The following TENM4 variants were observed in gnomAD, a reference collection of about 807,000 sequenced individuals.
TENM4 encodes teneurin-4.
Under a neutral mutation model 243.3 loss-of-function variants are expected in TENM4, and 82 were observed. That is an observed-to-expected ratio of 0.34 (90% confidence interval 0.28 to 0.40). The LOEUF (loss-of-function observed/expected upper bound fraction) is 0.40, where lower values mean the gene tolerates loss of function less well. Among genes scored for constraint, TENM4 ranks in the 10% least tolerant of loss-of-function variants. The pLI is 1.00. For synonymous variants in TENM4, 1,412 were observed against 1,456.3 expected, an observed-to-expected ratio of 0.97 and a Z score of 0.69; for missense variants, 3,138 against 3,673.3, an observed-to-expected ratio of 0.85 and a Z score of 3.77.
intron 3 of TENM4, among the ~76,000 whole-genome samples, chr11:79,192,175 C>A (rs991304596): frequency 6.6e-6 from 1 of 151,412 alleles, no homozygotes; most frequent in Non-Finnish European, 1.5e-5. Flanking sequence ...GCCAGCTGCC[C>A]GGTCTGGGAG....
At chr11:78,844,047 T>G (rs1379327146) in intron 12 of TENM4, among the ~76,000 whole-genome samples, 2 of 152,104 alleles carry the variant, frequency 1.3e-5, no homozygotes, top group Non-Finnish European at 2.9e-5. Context: ...GTTACTGGAG[T>G]TGGATTCGAA....
intron 4 of TENM4, among the ~76,000 whole-genome samples, chr11:79,095,246 A>C (rs1048746657): frequency 1.3e-5 from 2 of 152,088 alleles, no homozygotes; most frequent in Non-Finnish European, 1.5e-5. Flanking sequence ...TTTTCATATG[A>C]GGAAATGGAA....
intron 4 of TENM4, among the ~76,000 whole-genome samples, chr11:79,072,773 C>G (rs1169711381): frequency 6.6e-6 from 1 of 152,136 alleles, no homozygotes; most frequent in Non-Finnish European, 1.5e-5. Flanking sequence ...TGCCTGTTTA[C>G]TTCTAACCCC....
chr11:79,428,045 G>A (rs770176026), intron 1 of TENM4, among the ~76,000 whole-genome samples: 1 of 152,208 alleles, frequency 6.6e-6, no homozygotes, highest in Non-Finnish European at 1.5e-5. Context: ...GGAGAAAGCA[G>A]AAGCAGGAAG....
intron 6 of TENM4, among the ~76,000 whole-genome samples, chr11:78,961,979 G>C (rs1187315078): frequency 6.6e-6 from 1 of 152,176 alleles, no homozygotes; most frequent in Non-Finnish European, 1.5e-5. Context: ...CGCGGGGCAA[G>C]AGCGGGGCTG....
intron 4 of TENM4, among the ~76,000 whole-genome samples, chr11:79,138,068 G>A (rs945159704): frequency 6.6e-6 from 1 of 151,462 alleles, no homozygotes; most frequent in Admixed American, 6.6e-5. Context: ...AATCTGGGTG[G>A]GCACAATCTA....
chr11:78,769,209 A>G (rs758411710), intron 18 of TENM4, among the ~76,000 whole-genome samples: 3 of 152,222 alleles, frequency 2.0e-5, no homozygotes, highest in Non-Finnish European at 4.4e-5. Context: ...TGCTGAGGAA[A>G]TCATGCAGAT....
intron 3 of TENM4, among the ~76,000 whole-genome samples, chr11:79,175,936 T>A (rs184311654): frequency 1.8e-3 from 266 of 151,930 alleles, no homozygotes; most frequent in African/African-American, 6.2e-3. Flanking sequence ...AATTAAAAAA[T>A]TTGCTGGGTG....
chr11:79,410,909 C>T lies in TENM4; in HGVS notation c.-321+29600G>A, dbSNP rs2135572373. ...TTTGAGAACCTTTCTCCATGTCGGG[C>T]CTACCTCTGTCCTTGTTAATCATCC... is the stretch of plus-strand genomic sequence containing the variant. On this transcript the variant is annotated intron_variant, in intron 1 of 33. Coordinates refer to ENST00000278550, the MANE Select transcript of TENM4 (RefSeq NM_001098816.3). 1.3e-5 allele frequency among the ~76,000 whole-genome samples: 2 copies of T among 152,220 alleles called. 1 individual carries two copies. The highest frequency in any genetic ancestry group is 1.3e-4 in the Admixed American group (2 of 15,284).
At chr11:78,975,998 T>G (rs935631753) in intron 6 of TENM4, among the ~76,000 whole-genome samples, 1 of 152,158 alleles carries the variant, frequency 6.6e-6, no homozygotes, top group Admixed American at 6.5e-5. Flanking sequence ...TGGGTACCAG[T>G]CTGGGTGCTG....
intron 2 of TENM4, among the ~76,000 whole-genome samples, chr11:79,240,658 C>A (rs486694): frequency 0.63 from 95,604 of 152,080 alleles, 31,701 homozygotes; most frequent in East Asian, 0.88. Flanking sequence ...CTGACCCCAA[C>A]GCTTGTCTGC....
At chr11:79,269,098 G>T (rs887400058) in intron 2 of TENM4, among the ~76,000 whole-genome samples, 4 of 152,194 alleles carry the variant, frequency 2.6e-5, no homozygotes, top group African/African-American at 9.7e-5. Flanking sequence ...AGGAGCAAAG[G>T]TTCCACACTC....
intron 2 of TENM4, among the ~76,000 whole-genome samples, chr11:79,231,069 A>G (rs1864364255): frequency 6.6e-6 from 1 of 152,216 alleles, no homozygotes; most frequent in South Asian, 2.1e-4. Context: ...ACTTAACAAA[A>G]ATGAAAGTTA....
At chr11:79,298,087 T>C (rs1408297172) in intron 1 of TENM4, among the ~76,000 whole-genome samples, 1 of 152,132 alleles carries the variant, frequency 6.6e-6, no homozygotes, top group African/African-American at 2.4e-5. Context: ...ATTAACTCAT[T>C]TTCCTTCCCA....
chr11:78,854,385 C>T, intron 11 of TENM4, 71 bp from the exon 12 acceptor site: 1 of 1,362,582 alleles, frequency 7.3e-7, no homozygotes, highest in Non-Finnish European at 9.7e-7. Context: ...CCCGGGGCTT[C>T]TCCTGGAGAG....
intron 2 of TENM4, among the ~76,000 whole-genome samples, chr11:79,271,864 G>A (rs191321085): frequency 1.8e-4 from 27 of 152,300 alleles, no homozygotes; most frequent in Admixed American, 1.6e-3. Context: ...TCCAGGAAAG[G>A]AGAGAAGGGG....
At chr11:78,987,187 T>C (rs767828462) in intron 6 of TENM4, among the ~76,000 whole-genome samples, 30 of 152,224 alleles carry the variant, frequency 2.0e-4, no homozygotes, top group Non-Finnish European at 3.4e-4. Context: ...GATGATATAA[T>C]AACAGTGATG....
chr11:79,097,091 G>C (rs1861102025), intron 4 of TENM4: 1 of 152,140 alleles, frequency 6.6e-6, no homozygotes. Flanking sequence ...CAAGCATTGA[G>C]ACAGGGGCTC....
In TENM4 at chr11:79,069,702, C is replaced by G; in HGVS notation, c.223+20G>C. On this transcript the variant is annotated intron_variant, in intron 5 of 33. Transcript: ENST00000278550. ...AAGCTCACCTGCGCCTGAGGCCCGC[C>G]CCCTCGGCCTTGTCCTTACCTGTGC... 3 of 1,539,654 alleles carry G rather than the reference C, an allele frequency of 1.9e-6. No individual in the cohort carries two copies. The highest frequency in any genetic ancestry group is 2.6e-6 in the Non-Finnish European group (3 of 1,140,008).
Sources: allele counts gnomAD v4.1 joint callset (sites outside exome capture counted in the v4.1 genomes callset), GRCh38; gene constraint gnomAD v4.1.1; transcripts MANE v1.5; gene names NCBI Gene and HGNC (gene_info 2026-07-23, HGNC 2026-07-21).